The following MYO5B variants were observed in gnomAD, a reference collection of about 807,000 sequenced individuals.
The protein encoded by MYO5B is myosin VB.
In MYO5B, 143 loss-of-function variants were observed where a neutral mutation model predicts 229.3. The observed-to-expected ratio is 0.62, with a 90% confidence interval of 0.54 to 0.72. The LOEUF is 0.72. MYO5B is among the 30% of genes least tolerant of loss of function. The pLI is 0.00. For missense variants in MYO5B, 2,321 were observed against 2,331.0 expected (o/e 1.00, Z 0.09); for synonymous variants, 918 against 885.2 (o/e 1.04, Z -0.66).
Position 49,843,368 on chromosome 18 carries a change from C to G in MYO5B, c.4484G>C (p.Gly1495Ala). ...GTAGGCGGGGAGACAGGGCACTGTGCCCGACAGCATCTGGGGCTTCAAGTC... is the reference window on the plus strand; with the variant it reads ...GTAGGCGGGGAGACAGGGCACTGTGGCCGACAGCATCTGGGGCTTCAAGTC... ...VTDLKPQMLS[G>A]TVPCLPAYIL... Residue 1495 changes from glycine (G) to alanine (A), a missense_variant, in exon 34 of 40, where the codon GGC (glycine) becomes GCC (alanine). This residue lies in a region of MYO5B where 2,113 missense variants were observed against 2,044.7 expected (regional missense o/e 1.03). Coordinates refer to ENST00000285039, the MANE Select transcript of MYO5B (RefSeq NM_001080467.3). The G allele has an allele frequency of 6.2e-7, 1 of 1,614,140 alleles. No homozygotes were observed. Among genetic ancestry groups the G allele is most frequent in the South Asian group, 1.1e-5 (1 of 91,084 alleles).
Position 49,895,178 on chromosome 18 carries a change from T to A in MYO5B, c.2812-4A>T. ...AAAGTGTCTTGAACTCTTTGTTCTG[T>A]GGAGAACATCAGCAAACAAGGAGAA... is the stretch of plus-strand genomic sequence containing the variant. On this transcript the variant is annotated splice_polypyrimidine_tract_variant and splice_region_variant and intron_variant, in intron 21 of 39. Transcript: ENST00000285039. 1 of 1,608,970 alleles carries A rather than the reference T, an allele frequency of 6.2e-7. No homozygotes were observed. The highest frequency in any genetic ancestry group is 1.7e-4 in the Middle Eastern group (1 of 6,056).
intron 39 of MYO5B, among the ~76,000 whole-genome samples, chr18:49,828,970 G>C (rs558119294): frequency 1.3e-5 from 2 of 148,876 alleles, no homozygotes; most frequent in East Asian, 4.0e-4. Context: ...CAGAAAAAGA[G>C]CAAACTAAAC....
At chr18:50,127,925 A>AT (rs941809249) in intron 1 of MYO5B, among the ~76,000 whole-genome samples, 5 of 152,282 alleles carry the variant, frequency 3.3e-5, no homozygotes, top group Non-Finnish European at 5.9e-5. Context: ...GGACACTGCT[A>AT]TTTTTCCCAC....
chr18:50,171,461 T>C (rs556730893), intron 1 of MYO5B, among the ~76,000 whole-genome samples: 1 of 127,586 alleles, frequency 7.8e-6, no homozygotes, highest in South Asian at 2.8e-4. Flanking sequence ...GTACAGAACA[T>C]TCCAGGCAGA....
intron 1 of MYO5B, among the ~76,000 whole-genome samples, chr18:50,154,158 G>A (rs1269784018): frequency 1.3e-5 from 2 of 151,820 alleles, no homozygotes; most frequent in Non-Finnish European, 1.5e-5. Flanking sequence ...TGTGCCCAGA[G>A]AATAGCAGTG....
At chr18:50,049,737 T>G (rs1407606586) in intron 2 of MYO5B, among the ~76,000 whole-genome samples, 1 of 152,160 alleles carries the variant, frequency 6.6e-6, no homozygotes, top group African/African-American at 2.4e-5. Context: ...TTGCCAAATG[T>G]TCGGGGCAGG....
chr18:50,146,141 C>T (rs769919782), intron 1 of MYO5B, among the ~76,000 whole-genome samples: 15 of 152,194 alleles, frequency 9.9e-5, no homozygotes, highest in Non-Finnish European at 1.9e-4. Flanking sequence ...CAGGTTCTGC[C>T]TTCACTCAGT....
chr18:50,012,045 C>T (rs537558666), intron 4 of MYO5B, among the ~76,000 whole-genome samples: 2 of 152,320 alleles, frequency 1.3e-5, no homozygotes, highest in South Asian at 4.1e-4. Flanking sequence ...GGTTTCAACC[C>T]TGGCTGTACA....
At chr18:50,116,534 GA>G (rs957787831) in intron 1 of MYO5B, among the ~76,000 whole-genome samples, 3 of 150,526 alleles carry the variant, frequency 2.0e-5, no homozygotes, top group South Asian at 2.1e-4. Context: ...TCCAAAAAAA[GA>G]AAAAAAAACC....
At position 50,148,797 on chromosome 18, in the gene MYO5B, C is replaced by T. The variant is rs542408907; in HGVS notation, c.27+45970G>A. Among the ~76,000 whole-genome samples, 33 of 152,236 alleles carry T rather than the reference C, an allele frequency of 2.2e-4. 1 individual carries two copies. The South Asian group carries it at 6.9e-3, about 32-fold the overall frequency. On this transcript the variant is annotated intron_variant, in intron 1 of 39. Transcript: ENST00000285039. The stretch of plus-strand genomic sequence containing the variant: ...ACAAGACAGGGATGCCCTCTCTCAC[C>T]ACTCCTATTCAACATAGTGTTGGAA...
chr18:50,011,292 A>G (rs1280749779), intron 4 of MYO5B, among the ~76,000 whole-genome samples: 2 of 152,294 alleles, frequency 1.3e-5, no homozygotes, highest in East Asian at 3.9e-4. Context: ...CAGTGAGCCA[A>G]GATCGTGCCA....
At chr18:49,895,369 G>C (rs1301186935) in intron 21 of MYO5B, among the ~76,000 whole-genome samples, 195 bp from the exon 22 acceptor site, 2 of 151,610 alleles carry the variant, frequency 1.3e-5, no homozygotes, top group Admixed American at 1.3e-4. Flanking sequence ...CAGAAATAGA[G>C]GAAAACAAAG....
intron 1 of MYO5B, among the ~76,000 whole-genome samples, chr18:50,115,547 GACACACACACACACACACACAC>G (rs56886992): frequency 1.6e-5 from 2 of 125,062 alleles, no homozygotes; most frequent in Admixed American, 7.5e-5. Context: ...CACACAGAGA[GACACACACACACACACACACAC>G]ACACACACAC....
chr18:49,905,433 A>C (rs910703909), intron 19 of MYO5B, among the ~76,000 whole-genome samples: 1 of 151,982 alleles, frequency 6.6e-6, no homozygotes, highest in Non-Finnish European at 1.5e-5. Flanking sequence ...CCAGTCTAAC[A>C]CTTCCTCCCC....
intron 1 of MYO5B, among the ~76,000 whole-genome samples, chr18:50,103,222 G>T (rs1341762636): frequency 6.6e-6 from 1 of 152,212 alleles, no homozygotes; most frequent in Non-Finnish European, 1.5e-5. Context: ...CTAAATTTGA[G>T]GGTAACTAGG....
At chr18:50,018,061 C>A (rs1419894499) in intron 4 of MYO5B, among the ~76,000 whole-genome samples, 1 of 152,142 alleles carries the variant, frequency 6.6e-6, no homozygotes, top group Non-Finnish European at 1.5e-5. Flanking sequence ...AGTCACTCAG[C>A]CCTTTCAAAA....
At chr18:49,854,720 G>A (rs1423766201) in intron 30 of MYO5B, among the ~76,000 whole-genome samples, 1 of 152,232 alleles carries the variant, frequency 6.6e-6, no homozygotes, top group African/African-American at 2.4e-5. Flanking sequence ...TAACACAGCT[G>A]TTGGAGGCCG....
At chr18:50,025,974 G>T (rs148147960) in intron 4 of MYO5B, among the ~76,000 whole-genome samples, 1,757 of 152,302 alleles carry the variant, frequency 0.012, 21 homozygotes, top group Admixed American at 0.022. Context: ...ATTATGCATA[G>T]TATAAAACAT....
rs2032903970 is a variant in MYO5B, at chr18:50,170,039, T to C, written c.27+24728A>G. On this transcript the variant is annotated intron_variant, in intron 1 of 39. Coordinates refer to ENST00000285039, the MANE Select transcript of MYO5B (RefSeq NM_001080467.3). ...TTACAGCCAAAGAAGTCATAACTGA[T>C]ACATTTAATAGGTAGAAGACAGAAG... Among the ~76,000 whole-genome samples, 2 of 127,956 alleles carry C rather than the reference T, an allele frequency of 1.6e-5. 1 individual carries two copies. The highest frequency in any genetic ancestry group is 1.7e-4 in the Admixed American group (2 of 11,894). The allele number at this position is 127,956 out of a possible 152,430, so 83.9% of individuals were successfully genotyped here.
Sources: gnomAD v4.1 joint callset for allele counts (sites outside exome capture counted in the v4.1 genomes callset) on GRCh38, gnomAD v4.1.1 for gene constraint, gnomAD v4.1.1 regional missense constraint, MANE v1.5 for transcripts, NCBI Gene and HGNC (gene_info 2026-07-23, HGNC 2026-07-21) for gene names.